HPSE2: variants seen among roughly 807,000 people sequenced by gnomAD.
HPSE2 encodes the protein inactive heparanase-2.
Under a neutral mutation model 60.5 loss-of-function variants are expected in HPSE2, and 38 were observed. The ratio of observed to expected loss-of-function variants is 0.63; its 90% CI spans 0.48 to 0.82. The LOEUF is 0.82. HPSE2 is among the 40% of genes least tolerant of loss of function. The pLI, the probability that HPSE2 is intolerant of heterozygous loss-of-function variation, is 0.00. For synonymous variants in HPSE2, 295 were observed against 293.2 expected, an observed-to-expected ratio of 1.01 and a Z score of -0.06; for missense variants, 713 against 740.4, an observed-to-expected ratio of 0.96 and a Z score of 0.43.
At chr10:98,548,624 A>T (rs1351779705) in intron 9 of HPSE2, among the ~76,000 whole-genome samples, 1 of 152,130 alleles carries the variant, frequency 6.6e-6, no homozygotes. Flanking sequence ...CTCAAAAAAA[A>T]AAAAAAGAAA....
intron 3 of HPSE2, among the ~76,000 whole-genome samples, chr10:98,983,349 G>A (rs918762130): frequency 6.6e-6 from 1 of 152,122 alleles, no homozygotes; most frequent in African/African-American, 2.4e-5. Context: ...TATGTTTAGT[G>A]TACTCCGTAA....
intron 11 of HPSE2, 26 bp downstream of exon 11, chr10:98,482,610 C>A (rs757400109): frequency 1.2e-6 from 2 of 1,613,744 alleles, no homozygotes; most frequent in Non-Finnish European, 1.7e-6. Flanking sequence ...CACTTGCTCC[C>A]GAGCTATTTT....
chr10:98,659,239 T>G (rs551880141), intron 6 of HPSE2, among the ~76,000 whole-genome samples: 38 of 152,170 alleles, frequency 2.5e-4, no homozygotes, highest in Non-Finnish European at 5.3e-4. Context: ...AATCCACACA[T>G]AGTCAGGTCT....
intron 10 of HPSE2, among the ~76,000 whole-genome samples, chr10:98,485,638 G>T (rs979200487): frequency 5.3e-5 from 8 of 152,200 alleles, no homozygotes; most frequent in African/African-American, 1.9e-4. Context: ...CATTGGTGGG[G>T]TTTCAGCTTA....
chr10:98,545,552 A>C (rs1211696422), intron 9 of HPSE2, among the ~76,000 whole-genome samples: 1 of 152,162 alleles, frequency 6.6e-6, no homozygotes, highest in Non-Finnish European at 1.5e-5. Context: ...AAAGACAAAA[A>C]CCACATGATT....
At chr10:98,621,296 G>A (rs1001209896) in intron 7 of HPSE2, among the ~76,000 whole-genome samples, 7 of 152,016 alleles carry the variant, frequency 4.6e-5, no homozygotes, top group Admixed American at 3.3e-4. Context: ...GGGAATAATT[G>A]CATGCCTTCC....
intron 9 of HPSE2, among the ~76,000 whole-genome samples, chr10:98,588,182 C>G (rs1309136724): frequency 6.6e-6 from 1 of 152,170 alleles, no homozygotes; most frequent in Non-Finnish European, 1.5e-5. Context: ...CTTTTCTTAA[C>G]ACAGCAAAGC....
At chr10:99,033,537 C>G (rs1183182529) in intron 3 of HPSE2, among the ~76,000 whole-genome samples, 1 of 152,122 alleles carries the variant, frequency 6.6e-6, no homozygotes, top group African/African-American at 2.4e-5. Context: ...AATCCCAGCA[C>G]TTTGGGAGGC....
At chr10:99,230,108 A>G (rs1355362112) in intron 2 of HPSE2, among the ~76,000 whole-genome samples, 3 of 152,254 alleles carry the variant, frequency 2.0e-5, no homozygotes, top group Admixed American at 6.5e-5. Context: ...CTAGGAAAAC[A>G]TAAATCAAAA....
chr10:98,862,549 T>C (rs1002111388), intron 3 of HPSE2, among the ~76,000 whole-genome samples: 1 of 152,208 alleles, frequency 6.6e-6, no homozygotes, highest in African/African-American at 2.4e-5. Flanking sequence ...ATCAGATTAC[T>C]AATTTAGAAT....
intron 3 of HPSE2, among the ~76,000 whole-genome samples, chr10:98,759,205 G>T (rs75559970): frequency 0.039 from 5,884 of 152,098 alleles, 185 homozygotes; most frequent in East Asian, 0.12. Context: ...GTGGGAGGAG[G>T]GTGAGGATTG....
chr10:98,575,785 C>T (rs1944624615), intron 9 of HPSE2, among the ~76,000 whole-genome samples: 2 of 152,202 alleles, frequency 1.3e-5, no homozygotes, highest in Non-Finnish European at 2.9e-5. Flanking sequence ...TAGTCTCCAA[C>T]AACCACCACC....
chr10:99,239,813 G>A (rs1849913994), upstream of HPSE2, among the ~76,000 whole-genome samples: 2 of 151,960 alleles, frequency 1.3e-5, no homozygotes, highest in South Asian at 4.2e-4. Flanking sequence ...CCAAAAGAAA[G>A]GAAAATTTTA....
chr10:99,148,558 AGGTG>A (rs1468080572), intron 2 of HPSE2, among the ~76,000 whole-genome samples: 3 of 152,146 alleles, frequency 2.0e-5, no homozygotes, highest in African/African-American at 7.2e-5. Flanking sequence ...TGGGAGCCCA[AGGTG>A]GGCGCATCAC....
At chr10:98,482,917 TAAAA>T in intron 10 of HPSE2, 135 bp from the exon 11 acceptor site, 2 of 827,268 alleles carry the variant, frequency 2.4e-6, no homozygotes, top group South Asian at 3.1e-5. Context: ...CCATAGACCC[TAAAA>T]GAAAGGAAGG....
chr10:98,919,339 T>C (rs943127610), intron 3 of HPSE2, among the ~76,000 whole-genome samples: 6 of 152,186 alleles, frequency 3.9e-5, no homozygotes, highest in South Asian at 4.1e-4. Flanking sequence ...GATAAATTCA[T>C]GAAATGCCTC....
chr10:99,165,441 G>T (rs1050676129), intron 2 of HPSE2, among the ~76,000 whole-genome samples: 11 of 151,922 alleles, frequency 7.2e-5, no homozygotes, highest in African/African-American at 1.9e-4. Context: ...CAATATCCTG[G>T]TTGTTTCTTA....
At chr10:98,949,236 G>A (rs932396841) in intron 3 of HPSE2, among the ~76,000 whole-genome samples, 18 of 115,664 alleles carry the variant, frequency 1.6e-4, no homozygotes, top group Admixed American at 6.7e-4. Context: ...ACACGCACAC[G>A]CACACGCATG....
intron 5 of HPSE2, among the ~76,000 whole-genome samples, chr10:98,718,213 T>C (rs1322496714): frequency 6.6e-6 from 1 of 152,158 alleles, no homozygotes; most frequent in East Asian, 1.9e-4. Context: ...AAACTGATGA[T>C]TAAGAATAGC....
Sources: allele counts gnomAD v4.1 joint callset (sites outside exome capture counted in the v4.1 genomes callset), GRCh38; gene constraint gnomAD v4.1.1; transcripts MANE v1.5; gene names NCBI Gene and HGNC (gene_info 2026-07-23, HGNC 2026-07-21).